Variants in ARID1B observed in about 807,000 individuals in gnomAD.
The protein encoded by ARID1B is AT-rich interactive domain-containing protein 1B.
A neutral mutation model predicts 212.3 loss-of-function variants in ARID1B; 30 were observed. That is an observed-to-expected ratio of 0.14 (90% confidence interval 0.11 to 0.19). The LOEUF (loss-of-function observed/expected upper bound fraction) is 0.19, where lower values mean the gene tolerates loss of function less well. ARID1B is among the 10% of genes least tolerant of loss of function. ARID1B has a pLI of 1.00. For missense variants in ARID1B, 2,891 were observed against 3,204.0 expected, an observed-to-expected ratio of 0.90 and a Z score of 2.36; for synonymous variants, 1,402 against 1,301.7, an observed-to-expected ratio of 1.08 and a Z score of -1.66.
At chr6:157,144,684 G>A (rs1264651674) in intron 7 of ARID1B, among the ~76,000 whole-genome samples, 1 of 152,142 alleles carries the variant, frequency 6.6e-6, no homozygotes, top group Non-Finnish European at 1.5e-5. Context: ...GTGGGAAGAG[G>A]AAGGGCCCAG....
intron 5 of ARID1B, among the ~76,000 whole-genome samples, chr6:157,101,653 A>G (rs1045801358): frequency 6.7e-6 from 1 of 149,910 alleles, no homozygotes; most frequent in Non-Finnish European, 1.5e-5. Context: ...TTTTTTTTTT[A>G]ACCTCATTTG....
intron 4 of ARID1B, among the ~76,000 whole-genome samples, chr6:157,020,881 C>T (rs907435554): frequency 6.6e-6 from 1 of 152,118 alleles, no homozygotes; most frequent in African/African-American, 2.4e-5. Flanking sequence ...AAAAAGTAAC[C>T]TGGAACTTAT....
At chr6:157,029,038 G>C (rs1780855539) in intron 4 of ARID1B, among the ~76,000 whole-genome samples, 1 of 152,126 alleles carries the variant, frequency 6.6e-6, no homozygotes, top group Admixed American at 6.5e-5. Flanking sequence ...ACTCAGGATG[G>C]ATAGAAAAGA....
Position 157,174,145 on chromosome 6 carries a change from T to C in ARID1B, c.3345+28T>C, listed in dbSNP as rs1358336496. The C allele has an allele frequency of 1.9e-6, 3 of 1,597,494 alleles. No individual in the cohort carries two copies. The African/African-American group carries it at 4.0e-5, about 21-fold the overall frequency. On this transcript the variant is annotated intron_variant, in intron 10 of 19. Transcript: ENST00000636930. ...ACTTCCTTCGCCTCTGCACGCGGTG[T>C]GAGGTCTGCCTAGCAAAAAGCTGCC...
chr6:156,970,617 A>G (rs1776860851), intron 4 of ARID1B, among the ~76,000 whole-genome samples: 1 of 152,254 alleles, frequency 6.6e-6, no homozygotes, highest in African/African-American at 2.4e-5. Flanking sequence ...TGATTAGTAA[A>G]CAACACTCAA....
chr6:157,070,066 G>A (rs758091424), intron 4 of ARID1B, among the ~76,000 whole-genome samples: 1 of 152,110 alleles, frequency 6.6e-6, no homozygotes, highest in Non-Finnish European at 1.5e-5. Context: ...AAAAAGACTA[G>A]AAGGAAATAT....
chr6:157,011,953 C>A (rs1277065663), intron 4 of ARID1B, among the ~76,000 whole-genome samples: 1 of 152,086 alleles, frequency 6.6e-6, no homozygotes, highest in Admixed American at 6.5e-5. Context: ...TAGAAAGCAG[C>A]CAGAGAAAAA....
At chr6:156,972,721 C>A (rs939186827) in intron 4 of ARID1B, among the ~76,000 whole-genome samples, 7 of 152,170 alleles carry the variant, frequency 4.6e-5, no homozygotes, top group African/African-American at 1.7e-4. Flanking sequence ...CTTTTCCAGC[C>A]AGAGAGACCT....
chr6:156,818,998 G>A (rs1164695737), intron 1 of ARID1B, among the ~76,000 whole-genome samples: 1 of 151,658 alleles, frequency 6.6e-6, no homozygotes, highest in Non-Finnish European at 1.5e-5. Flanking sequence ...CTCCAGTTCT[G>A]TAACAGCTCT....
intron 2 of ARID1B, among the ~76,000 whole-genome samples, chr6:156,839,059 A>C (rs997337850): frequency 4.6e-5 from 7 of 152,080 alleles, no homozygotes; most frequent in Non-Finnish European, 2.9e-5. Context: ...TTTTCTTCCT[A>C]CTTGTGGGTC....
intron 2 of ARID1B, among the ~76,000 whole-genome samples, chr6:156,847,300 C>T (rs188530618): frequency 2.0e-5 from 3 of 152,166 alleles, no homozygotes; most frequent in East Asian, 1.9e-4. Flanking sequence ...ACAACTGGAG[C>T]GTCTCTGGCA....
In ARID1B at chr6:157,148,901, G is replaced by A. The variant is rs2128634895; in HGVS notation, c.3039G>A (p.Gln1013=). Residue 1013 remains glutamine, a synonymous_variant, in exon 8 of 20, where the codon CAG becomes CAA. Transcript: ENST00000636930. This position sits in a 1 kb window ranked among gnomAD's most constrained non-coding sequence, Gnocchi z 5.6. ...PPMPTVNRKA[Q]EAAAAVMQAA... Reference sequence around the variant, plus strand: ...TGCCAACTGTGAACCGTAAGGCACAGGAGGCAGCCGCAGCAGTGATGCAGG... The same window carrying A: ...TGCCAACTGTGAACCGTAAGGCACAAGAGGCAGCCGCAGCAGTGATGCAGG... 6.2e-7 allele frequency: 1 copy of A among 1,612,820 alleles called. No homozygotes were observed. The highest frequency in any genetic ancestry group is 8.5e-7 in the Non-Finnish European group (1 of 1,179,908).
At chr6:156,996,803 C>A (rs925054127) in intron 4 of ARID1B, among the ~76,000 whole-genome samples, 2 of 152,096 alleles carry the variant, frequency 1.3e-5, no homozygotes, top group African/African-American at 4.8e-5. Flanking sequence ...TTTACAATTG[C>A]GTTAATGTCC....
At chr6:156,875,267 T>A (rs1006000111) in intron 2 of ARID1B, among the ~76,000 whole-genome samples, 6 of 152,186 alleles carry the variant, frequency 3.9e-5, no homozygotes, top group Non-Finnish European at 8.8e-5. Context: ...TCATAGGAAA[T>A]GGTTGTGGTT....
intron 2 of ARID1B, among the ~76,000 whole-genome samples, chr6:156,897,463 G>C (rs985516068): frequency 6.6e-6 from 1 of 151,280 alleles, no homozygotes; most frequent in Non-Finnish European, 1.5e-5. Context: ...TAGTAGAGAC[G>C]GGGTTTTGTC....
chr6:156,893,053 T>TCTTTTTTCTTCCTTTTTTG (rs1788080568), intron 2 of ARID1B, among the ~76,000 whole-genome samples: 2 of 140,734 alleles, frequency 1.4e-5, no homozygotes, highest in Non-Finnish European at 3.1e-5. Flanking sequence ...TCCTTTTTTT[T>TCTTTTTTCTTCCTTTTTTG]TTTTTTTGAG....
chr6:156,842,967 C>T lies in ARID1B; in HGVS notation c.1986+13546C>T, dbSNP rs1455632374. 3.3e-5 allele frequency among the ~76,000 whole-genome samples: 5 copies of T among 152,368 alleles called. No individual in the cohort carries two copies. In the East Asian group the frequency reaches 9.6e-4, roughly 29 times the overall value. On this transcript the variant is annotated intron_variant, in intron 2 of 19. Coordinates refer to ENST00000636930, the MANE Select transcript of ARID1B (RefSeq NM_001374828.1). The stretch of plus-strand genomic sequence containing the variant: ...TTAAAGATCCTCCAGACCAGCCTTG[C>T]TGTGTGTGCAACACATTCCACTGGT...
At chr6:157,050,101 C>T (rs1398353653) in intron 4 of ARID1B, among the ~76,000 whole-genome samples, 1 of 152,158 alleles carries the variant, frequency 6.6e-6, no homozygotes, top group East Asian at 1.9e-4. Flanking sequence ...TCAGCCCCCA[C>T]CTCACTGAGG....
At chr6:156,791,436 G>C (rs1779999240) in intron 1 of ARID1B, among the ~76,000 whole-genome samples, 1 of 152,174 alleles carries the variant, frequency 6.6e-6, no homozygotes, top group Admixed American at 6.5e-5. Context: ...CACTTGTTGG[G>C]CATCATGCCA....
Sources: gnomAD v4.1 joint callset for allele counts (sites outside exome capture counted in the v4.1 genomes callset) on GRCh38, gnomAD v4.1.1 for gene constraint, Gnocchi (gnomAD v3.1) non-coding constraint, MANE v1.5 for transcripts, NCBI Gene and HGNC (gene_info 2026-07-23, HGNC 2026-07-21) for gene names.